ARHGAP15: variants seen among roughly 807,000 people sequenced by gnomAD.
ARHGAP15 encodes Rho GTPase activating protein 15.
ARHGAP15 carries 51 observed loss-of-function variants against 63.7 expected under a neutral mutation model. That is an observed-to-expected ratio of 0.80 (90% CI 0.64 to 1.01). The LOEUF is 1.01. ARHGAP15 is among the 50% of genes least tolerant of loss of function. The pLI is 0.00. For missense variants in ARHGAP15, 560 were observed against 564.6 expected, an observed-to-expected ratio of 0.99 and a Z score of 0.08; for synonymous variants, 191 against 193.8, an observed-to-expected ratio of 0.99 and a Z score of 0.12.
At chr2:143,751,728 T>C (rs895435522) in intron 13 of ARHGAP15, among the ~76,000 whole-genome samples, 3 of 152,146 alleles carry the variant, frequency 2.0e-5, no homozygotes, top group African/African-American at 7.2e-5. Context: ...CTACATACCA[T>C]GTCTTCTCAG....
intron 13 of ARHGAP15, among the ~76,000 whole-genome samples, chr2:143,726,294 C>A (rs1384638689): frequency 6.6e-5 from 10 of 152,114 alleles, no homozygotes; most frequent in Non-Finnish European, 4.4e-5. Flanking sequence ...AAAGAAAAAG[C>A]TAAATCACAG....
chr2:143,149,127 G>A (rs2104999473), intron 1 of ARHGAP15, among the ~76,000 whole-genome samples: 1 of 152,096 alleles, frequency 6.6e-6, no homozygotes, highest in Middle Eastern at 3.4e-3. Context: ...ATTTATCTGT[G>A]GAGTTGTCAT....
At chr2:143,677,007 TACC>T (rs1682859514) in intron 12 of ARHGAP15, among the ~76,000 whole-genome samples, 1 of 152,260 alleles carries the variant, frequency 6.6e-6, no homozygotes, top group South Asian at 2.1e-4. Flanking sequence ...AGTGTCTGAT[TACC>T]ACCTCAATTT....
chr2:143,487,293 G>T, intron 8 of ARHGAP15, 80 bp from the exon 9 acceptor site: 2 of 1,492,640 alleles, frequency 1.3e-6, no homozygotes, highest in Middle Eastern at 2.0e-4. Flanking sequence ...CATAACTACT[G>T]TTTTCTATTC....
intron 13 of ARHGAP15, among the ~76,000 whole-genome samples, chr2:143,745,205 AC>A (rs1686116291): frequency 6.6e-6 from 1 of 152,170 alleles, no homozygotes; most frequent in Non-Finnish European, 1.5e-5. Flanking sequence ...GTATCTGGTT[AC>A]CTTTTGAAAT....
intron 10 of ARHGAP15, among the ~76,000 whole-genome samples, chr2:143,536,543 T>G (rs1694774222): frequency 8.0e-6 from 1 of 125,706 alleles, no homozygotes. Context: ...CCCACAACCG[T>G]CCCCGGTGTG....
intron 6 of ARHGAP15, among the ~76,000 whole-genome samples, chr2:143,303,983 G>C (rs1281102767): frequency 3.3e-5 from 5 of 152,154 alleles, no homozygotes; most frequent in African/African-American, 1.2e-4. Flanking sequence ...TGGAGAACTA[G>C]AAACACTTTT....
At chr2:143,307,891 A>G (rs1448527895) in intron 6 of ARHGAP15, among the ~76,000 whole-genome samples, 2 of 152,168 alleles carry the variant, frequency 1.3e-5, no homozygotes, top group Non-Finnish European at 2.9e-5. Context: ...CACTGCATTT[A>G]TTCATGGATT....
rs372162041 is a variant in ARHGAP15, at chr2:143,486,366, T to A, written c.704-1007T>A. 2.7e-5 allele frequency among the ~76,000 whole-genome samples: 4 copies of A among 149,082 alleles called. No individual in the cohort carries two copies. In the East Asian group the frequency reaches 8.1e-4, roughly 30 times the overall value. Reference sequence around the variant, plus strand: ...TGAGCAGATCACTTGAGCCCAGGAGTTCGAGACCAGCCTGAGCAATGAAGT... The same window carrying A: ...TGAGCAGATCACTTGAGCCCAGGAGATCGAGACCAGCCTGAGCAATGAAGT... On this transcript the variant is annotated intron_variant, in intron 8 of 13. Coordinates refer to ENST00000295095, the MANE Select transcript of ARHGAP15 (RefSeq NM_018460.4).
rs373714408 is a variant in ARHGAP15, at chr2:143,133,432, C to T, written c.-15+3966C>T. 1.7e-4 allele frequency among the ~76,000 whole-genome samples: 26 copies of T among 152,312 alleles called. No individual in the cohort carries two copies. In the South Asian group the frequency reaches 5.0e-3, roughly 29 times the overall value. ...ACGTAATTGGATGTCCACACTTTTA[C>T]ATCTTGATGGGTTGTCTGTCTAGGG... On this transcript the variant is annotated intron_variant, in intron 1 of 13. Coordinates refer to ENST00000295095, the MANE Select transcript of ARHGAP15 (RefSeq NM_018460.4).
intron 6 of ARHGAP15, among the ~76,000 whole-genome samples, chr2:143,261,111 T>G (rs1680692938): frequency 6.6e-6 from 1 of 152,112 alleles, no homozygotes; most frequent in South Asian, 2.1e-4. Context: ...TAATGTTTGT[T>G]TCAATAACAT....
At chr2:143,369,921 C>T (rs892173124) in intron 6 of ARHGAP15, among the ~76,000 whole-genome samples, 1 of 152,044 alleles carries the variant, frequency 6.6e-6, no homozygotes, top group African/African-American at 2.4e-5. Context: ...ATTTCTCCCC[C>T]GTAGATGTAA....
chr2:143,620,184 A>G (rs1698598351), intron 11 of ARHGAP15, among the ~76,000 whole-genome samples: 1 of 152,188 alleles, frequency 6.6e-6, no homozygotes, highest in East Asian at 1.9e-4. Context: ...GATACCAACA[A>G]TTATCCTTCT....
chr2:143,131,146 ATG>A (rs1268455214), intron 1 of ARHGAP15, among the ~76,000 whole-genome samples: 1 of 152,216 alleles, frequency 6.6e-6, no homozygotes, highest in East Asian at 1.9e-4. Context: ...TTTATGGAAT[ATG>A]TGTAAAATTA....
At chr2:143,665,768 C>G (rs1184457027) in intron 12 of ARHGAP15, among the ~76,000 whole-genome samples, 1 of 151,618 alleles carries the variant, frequency 6.6e-6, no homozygotes, top group African/African-American at 2.4e-5. Context: ...TTCTTATACA[C>G]CAATAACAGA....
chr2:143,735,303 G>T (rs190596823), intron 13 of ARHGAP15, among the ~76,000 whole-genome samples: 1 of 152,270 alleles, frequency 6.6e-6, no homozygotes, highest in East Asian at 1.9e-4. Flanking sequence ...AGACAAAAAA[G>T]AGAATTTGCT....
intron 2 of ARHGAP15, among the ~76,000 whole-genome samples, chr2:143,164,934 G>C (rs1690439523): frequency 6.6e-6 from 1 of 151,718 alleles, no homozygotes; most frequent in South Asian, 2.1e-4. Flanking sequence ...GAAATTTTTG[G>C]AAATTATAAA....
chr2:143,542,905 A>G (rs903918329), intron 10 of ARHGAP15, among the ~76,000 whole-genome samples: 2 of 147,206 alleles, frequency 1.4e-5, no homozygotes, highest in African/African-American at 5.0e-5. Flanking sequence ...ATATATAATA[A>G]CATATGATAT....
At chr2:143,597,127 T>A (rs948002385) in intron 11 of ARHGAP15, among the ~76,000 whole-genome samples, 4 of 150,532 alleles carry the variant, frequency 2.7e-5, no homozygotes, top group Non-Finnish European at 5.9e-5. Context: ...AATACATGGC[T>A]ACTAACTGGA....
Sources: allele counts gnomAD v4.1 joint callset (sites outside exome capture counted in the v4.1 genomes callset), GRCh38; gene constraint gnomAD v4.1.1; transcripts MANE v1.5; gene names NCBI Gene and HGNC (gene_info 2026-07-23, HGNC 2026-07-21).